The following PPM1B variants were observed in gnomAD, a reference collection of about 807,000 sequenced individuals.
PPM1B encodes protein phosphatase 1B.
Under a neutral mutation model 43.0 loss-of-function variants are expected in PPM1B, and 22 were observed. The ratio of observed to expected loss-of-function variants is 0.51; its 90% CI spans 0.37 to 0.73. The LOEUF is 0.73. Among genes scored for constraint, PPM1B ranks in the 30% least tolerant of loss-of-function variants. The pLI, the probability that PPM1B is intolerant of heterozygous loss-of-function variation, is 0.00. For missense variants in PPM1B, 632 were observed against 584.2 expected (o/e 1.08, Z -0.84); for synonymous variants, 217 against 197.9 (o/e 1.10, Z -0.81).
chr2:44,215,775 G>T (rs1039749593), intron 3 of PPM1B, among the ~76,000 whole-genome samples: 1 of 152,264 alleles, frequency 6.6e-6, no homozygotes, highest in African/African-American at 2.4e-5. Context: ...AAATCTCATA[G>T]AATTTGTATT....
intron 1 of PPM1B, among the ~76,000 whole-genome samples, chr2:44,171,437 A>G (rs985227877): frequency 2.6e-5 from 4 of 152,202 alleles, no homozygotes; most frequent in Admixed American, 2.6e-4. Flanking sequence ...TTTTTATGGA[A>G]TCTTTTGAAT....
At chr2:44,233,104 A>G (rs1670515424), downstream of PPM1B, 2 of 979,482 alleles carry the variant, frequency 2.0e-6, no homozygotes, top group Non-Finnish European at 2.4e-6. Context: ...TTTTTTAAAG[A>G]TGAGATTTGC....
chr2:44,242,463 C>G (rs999789536), intron 5 of PPM1B, among the ~76,000 whole-genome samples: 1 of 152,038 alleles, frequency 6.6e-6, no homozygotes, highest in Non-Finnish European at 1.5e-5. Context: ...GTATTTTTCT[C>G]TAATTTTCCA....
rs189077670 is a variant in PPM1B at position 44,225,725 on chromosome 2, C to T, written c.1135-4688C>T. On this transcript the variant is annotated intron_variant, in intron 5 of 5. Coordinates refer to ENST00000282412, the MANE Select transcript of PPM1B (RefSeq NM_002706.6). ...AGGCTGTAATGCAGTGGTGCAATCT[C>T]GGCTCACTGTAACCTCTGCCTTCCA... Among the ~76,000 whole-genome samples, 7 of 152,242 alleles carry T rather than the reference C, an allele frequency of 4.6e-5. No homozygotes were observed. The South Asian group carries it at 1.2e-3, about 27-fold the overall frequency.
intron 5 of PPM1B, among the ~76,000 whole-genome samples, chr2:44,225,725 C>G (rs189077670): frequency 1.8e-4 from 27 of 152,242 alleles, no homozygotes; most frequent in African/African-American, 6.5e-4. Flanking sequence ...GGTGCAATCT[C>G]GGCTCACTGT....
intron 1 of PPM1B, among the ~76,000 whole-genome samples, chr2:44,184,661 T>C (rs182541703): frequency 1.3e-5 from 2 of 152,226 alleles, no homozygotes; most frequent in East Asian, 1.9e-4. Context: ...GACTACTTGA[T>C]AGATTATGCC....
intron 1 of PPM1B, among the ~76,000 whole-genome samples, chr2:44,181,943 A>G (rs1386016086): frequency 6.6e-6 from 1 of 152,174 alleles, no homozygotes; most frequent in Non-Finnish European, 1.5e-5. Flanking sequence ...AAAAGAATAA[A>G]GAATAAAGAA....
At chr2:44,181,085 C>T (rs979847813) in intron 1 of PPM1B, among the ~76,000 whole-genome samples, 3 of 152,042 alleles carry the variant, frequency 2.0e-5, no homozygotes, top group Admixed American at 1.3e-4. Flanking sequence ...GCCGGGACCA[C>T]GGATGTGTGT....
At chr2:44,178,911 T>A (rs1366368376) in intron 1 of PPM1B, among the ~76,000 whole-genome samples, 1 of 152,258 alleles carries the variant, frequency 6.6e-6, no homozygotes, top group Non-Finnish European at 1.5e-5. Flanking sequence ...ATTTCCAAAA[T>A]GATTCAATAT....
intron 2 of PPM1B, among the ~76,000 whole-genome samples, chr2:44,207,916 T>C (rs1274497750): frequency 7.3e-6 from 1 of 136,116 alleles, no homozygotes; most frequent in Admixed American, 8.2e-5. Flanking sequence ...TTGGAGACAG[T>C]CTCACTCTGT....
chr2:44,171,829 CAAAAAAA>C (rs58214419), intron 1 of PPM1B, among the ~76,000 whole-genome samples: 179 of 118,668 alleles, frequency 1.5e-3, no homozygotes, highest in East Asian at 3.1e-3. Flanking sequence ...GACTCTGTCT[CAAAAAAA>C]AAAAAAAAAA....
chr2:44,227,049 C>A (rs1013771951), intron 5 of PPM1B, among the ~76,000 whole-genome samples: 2 of 151,806 alleles, frequency 1.3e-5, no homozygotes, highest in South Asian at 2.1e-4. Flanking sequence ...ACATGGCTTA[C>A]TGTAATCTCA....
At chr2:44,191,918 G>A (rs998039818) in intron 1 of PPM1B, among the ~76,000 whole-genome samples, 1 of 151,874 alleles carries the variant, frequency 6.6e-6, no homozygotes, top group African/African-American at 2.4e-5. Flanking sequence ...TGTGTGTGTG[G>A]TTGGTTCTAC....
chr2:44,174,006 C>G (rs1011360485), intron 1 of PPM1B, among the ~76,000 whole-genome samples: 1 of 152,124 alleles, frequency 6.6e-6, no homozygotes, highest in East Asian at 1.9e-4. Context: ...GTAGCTTAAT[C>G]AATTGTAGTA....
rs376167547 is a variant in PPM1B, at chr2:44,218,698, TTGAAA to T, written c.1134+166_1134+170del. The T allele has an allele frequency of 5.9e-4, 348 of 594,250 alleles. 1 individual carries two copies. In the African/African-American group the frequency reaches 6.1e-3, roughly 10 times the overall value. 36.8% of individuals were successfully genotyped at this position (594,250 alleles called of 1,614,324 possible). On this transcript the variant is annotated intron_variant, in intron 5 of 5. Transcript: ENST00000282412. Reference sequence around the variant, plus strand: ...GTCAGTTAAAGTTTAAGAAAATGTATTGAAATGAAGGTAGAGATAAAATTTTGTTT... The same window carrying T: ...GTCAGTTAAAGTTTAAGAAAATGTATTGAAGGTAGAGATAAAATTTTGTTT...
rs566508514 is a variant in PPM1B at position 44,226,932 on chromosome 2, T to TTTTATTTATTTATTTA, written c.1135-3455_1135-3440dup. 4.1e-3 allele frequency among the ~76,000 whole-genome samples: 558 copies of TTTTATTTATTTATTTA among 135,026 alleles called. 3 individuals carry two copies. Among genetic ancestry groups the TTTTATTTATTTATTTA allele is most frequent in the Non-Finnish European group, 5.9e-3 (373 of 63,222 alleles). 88.6% of individuals were successfully genotyped at this position (135,026 alleles called of 152,430 possible). On this transcript the variant is annotated intron_variant, in intron 5 of 5. Coordinates refer to ENST00000282412, the MANE Select transcript of PPM1B (RefSeq NM_002706.6). ...CCTGAATAGATTAAAATGGGAAACT[T>TTTTATTTATTTATTTA]TTTATTTATTTATTTATTTATTTAT...
chr2:44,181,995 C>G (rs1319629333), intron 1 of PPM1B, among the ~76,000 whole-genome samples: 1 of 152,100 alleles, frequency 6.6e-6, no homozygotes, highest in Middle Eastern at 3.2e-3. Flanking sequence ...TTTTGAAAGT[C>G]AACACAACTG....
intron 1 of PPM1B, among the ~76,000 whole-genome samples, chr2:44,181,035 C>G (rs753101010): frequency 6.6e-6 from 1 of 152,042 alleles, no homozygotes; most frequent in Non-Finnish European, 1.5e-5. Flanking sequence ...GCCTCGATCT[C>G]CTAGGTTCAA....
Position 44,201,985 on chromosome 2 carries a change from T to G in PPM1B, c.786T>G (p.Leu262=). The change falls in exon 2 of 6, where the codon CTT becomes CTG. Residue 262 remains leucine, a synonymous_variant. Coordinates refer to ENST00000282412, the MANE Select transcript of PPM1B (RefSeq NM_002706.6). This position sits in a 1 kb window ranked among gnomAD's most constrained non-coding sequence, Gnocchi z 5.4. ...TCTGTGAATATGTTAAATCTAGGCT[T>G]GAGGTATCTGATGACCTGGAAAATG... The part of the protein sequence containing the change: ...EELCEYVKSR[L]EVSDDLENVC... 1 of 1,612,814 alleles carries G rather than the reference T, an allele frequency of 6.2e-7. No homozygotes were observed. The highest frequency in any genetic ancestry group is 1.1e-5 in the South Asian group (1 of 90,836).
Sources: allele counts gnomAD v4.1 joint callset (sites outside exome capture counted in the v4.1 genomes callset), GRCh38; gene constraint gnomAD v4.1.1; non-coding constraint Gnocchi (gnomAD v3.1); transcripts MANE v1.5; gene names NCBI Gene and HGNC (gene_info 2026-07-23, HGNC 2026-07-21).